Variants in GPR176 observed in about 807,000 individuals in gnomAD.
GPR176 encodes G protein-coupled receptor 176, also known as G-protein coupled receptor 176.
In GPR176, 26 loss-of-function variants were observed where a neutral mutation model predicts 35.4. That is an observed-to-expected ratio of 0.74 (90% CI 0.54 to 1.02). The LOEUF is 1.02. Among genes scored for constraint, GPR176 ranks in the 50% least tolerant of loss-of-function variants. The pLI is 0.00. For synonymous variants in GPR176, 278 were observed against 271.3 expected (o/e 1.02, Z -0.24); for missense variants, 597 against 665.3 (o/e 0.90, Z 1.13).
intron 1 of GPR176, among the ~76,000 whole-genome samples, chr15:39,880,955 A>T (rs2032451301): frequency 6.6e-6 from 1 of 152,168 alleles, no homozygotes; most frequent in Non-Finnish European, 1.5e-5. Flanking sequence ...GCTAAAACAT[A>T]AACCTGTCCT....
At chr15:39,896,249 GGGTCTCACAAAGTTTCCTAGACA>G (rs560606456) in intron 1 of GPR176, among the ~76,000 whole-genome samples, 1,726 of 152,136 alleles carry the variant, frequency 0.011, 43 homozygotes, top group African/African-American at 0.039. Flanking sequence ...TGTACAGACA[GGGTCTCACAAAGTTTCCTAGACA>G]GGTCTCACAA....
chr15:39,815,622 A>C (rs1455177401), intron 1 of GPR176, among the ~76,000 whole-genome samples: 1 of 152,224 alleles, frequency 6.6e-6, no homozygotes, highest in African/African-American at 2.4e-5. Context: ...TCTCAGATTA[A>C]GGATATCCCT....
At chr15:39,883,483 C>CCACCATA in intron 1 of GPR176, among the ~76,000 whole-genome samples, 1 of 152,246 alleles carries the variant, frequency 6.6e-6, no homozygotes, top group Middle Eastern at 3.4e-3. Flanking sequence ...GAAACCATTA[C>CCACCATA]CACCATGAAG....
rs527813337 is a variant in GPR176 at position 39,917,242 on chromosome 15, C to A, written c.172+2613G>T. Among the ~76,000 whole-genome samples the A allele has an allele frequency of 1.1e-3, 169 of 151,566 alleles. 1 individual carries two copies. Among genetic ancestry groups the A allele is most frequent in the African/African-American group, 3.8e-3 (159 of 41,316 alleles). ...AGGTTGCAGTGAGCTGAGCTGAGAT[C>A]CTGCCATTGCACTCCAGCCTGGGCA... On this transcript the variant is annotated intron_variant, in intron 1 of 2. Coordinates refer to ENST00000561100, the MANE Select transcript of GPR176 (RefSeq NM_007223.3).
At chr15:39,881,968 G>A (rs2032492996) in intron 1 of GPR176, among the ~76,000 whole-genome samples, 3 of 152,348 alleles carry the variant, frequency 2.0e-5, no homozygotes, top group South Asian at 4.1e-4. Context: ...AGAGCAGCTA[G>A]AAGCGTCAAA....
rs624191 is a variant in GPR176, at chr15:39,800,634, A to G, written c.*498T>C. The G allele has an allele frequency of 0.67, 105,914 of 157,650 alleles. 35,906 individuals are homozygous for G. The highest frequency in any genetic ancestry group is 0.75 in the African/African-American group (31,213 of 41,480). 9.8% of individuals were successfully genotyped at this position (157,650 alleles called of 1,614,324 possible). On this transcript the variant is annotated 3_prime_UTR_variant, in exon 3 of 3. Coordinates refer to ENST00000561100, the MANE Select transcript of GPR176 (RefSeq NM_007223.3). The stretch of plus-strand genomic sequence containing the variant: ...GGCTTCCAGAGAAACAGTGTAAGAC[A>G]CCAAATCCCTACCTTCTCAACAGAA...
intron 1 of GPR176, among the ~76,000 whole-genome samples, chr15:39,856,654 A>G (rs2031241081): frequency 1.3e-5 from 2 of 152,260 alleles, no homozygotes; most frequent in Admixed American, 1.3e-4. Flanking sequence ...CTGATCCAAG[A>G]AAAGGCAAGA....
At chr15:39,816,100 A>C (rs1899883937) in intron 1 of GPR176, among the ~76,000 whole-genome samples, 1 of 152,224 alleles carries the variant, frequency 6.6e-6, no homozygotes, top group Non-Finnish European at 1.5e-5. Context: ...AAACATCCAG[A>C]ATCATAGAAG....
intron 1 of GPR176, among the ~76,000 whole-genome samples, chr15:39,811,641 G>T (rs905355529): frequency 1.3e-5 from 2 of 152,176 alleles, no homozygotes; most frequent in Non-Finnish European, 2.9e-5. Context: ...CAGATTCGGG[G>T]TGTGGTGGCT....
chr15:39,903,839 C>T (rs1478550082), intron 1 of GPR176, among the ~76,000 whole-genome samples: 3 of 151,972 alleles, frequency 2.0e-5, no homozygotes, highest in Non-Finnish European at 2.9e-5. Flanking sequence ...TCTTGGGTCT[C>T]GTGCAAGGAA....
chr15:39,888,778 C>G (rs188685542), intron 1 of GPR176, among the ~76,000 whole-genome samples: 9 of 152,306 alleles, frequency 5.9e-5, no homozygotes, highest in Admixed American at 5.9e-4. Context: ...CTTCCCGATT[C>G]TTAGACACAA....
chr15:39,856,062 C>T (rs1355683926), intron 1 of GPR176, among the ~76,000 whole-genome samples: 1 of 152,172 alleles, frequency 6.6e-6, no homozygotes, highest in African/African-American at 2.4e-5. Flanking sequence ...AAGATTCAAA[C>T]CCAGGCAATT....
intron 1 of GPR176, among the ~76,000 whole-genome samples, chr15:39,912,268 G>A (rs111735017): frequency 1.7e-4 from 26 of 152,044 alleles, no homozygotes; most frequent in African/African-American, 5.3e-4. Context: ...CTGTTTTTGC[G>A]CTATATGACT....
At chr15:39,864,255 T>C in intron 1 of GPR176, among the ~76,000 whole-genome samples, 1 of 152,170 alleles carries the variant, frequency 6.6e-6, no homozygotes, top group South Asian at 2.1e-4. Context: ...TATTCTTTTT[T>C]TAAGGTTGAA....
intron 1 of GPR176, among the ~76,000 whole-genome samples, chr15:39,821,657 G>A (rs983844123): frequency 2.0e-5 from 3 of 152,222 alleles, no homozygotes; most frequent in African/African-American, 4.8e-5. Context: ...ATAGGGGTAA[G>A]AAGGTAATCT....
chr15:39,856,310 ACTGT>A (rs2031214057), intron 1 of GPR176, among the ~76,000 whole-genome samples: 1 of 152,222 alleles, frequency 6.6e-6, no homozygotes, highest in Non-Finnish European at 1.5e-5. Context: ...TTATTTGCTT[ACTGT>A]CTATCCCTCA....
rs2033840355 is a variant in GPR176 at position 39,920,173 on chromosome 15, A to G, written c.-147T>C. 2.1e-6 allele frequency: 1 copy of G among 481,474 alleles called. No individual in the cohort carries two copies. The highest frequency in any genetic ancestry group is 3.6e-5 in the East Asian group (1 of 28,148). The allele number at this position is 481,474 out of a possible 1,614,324, so 29.8% of individuals were successfully genotyped here. The stretch of plus-strand genomic sequence containing the variant: ...CCGACGGGTCCCCTCACGTCTCCAC[A>G]TCGCCAACCCCGGCGCCCGGGAGGC... On this transcript the variant is annotated 5_prime_UTR_variant, in exon 1 of 3. An upstream start codon of the reference 5' UTR is lost. Transcript: ENST00000561100.
intron 1 of GPR176, among the ~76,000 whole-genome samples, chr15:39,894,076 A>T (rs531827907): frequency 1.2e-3 from 14 of 11,978 alleles, no homozygotes; most frequent in South Asian, 6.3e-3. Context: ...GCGGCTGGCC[A>T]GGCGGGGGGC....
intron 1 of GPR176, among the ~76,000 whole-genome samples, chr15:39,870,449 T>A (rs991877150): frequency 2.0e-5 from 3 of 152,152 alleles, no homozygotes; most frequent in Non-Finnish European, 2.9e-5. Flanking sequence ...TAACCGCAAA[T>A]CTCTTCCTAT....
Sources: allele counts gnomAD v4.1 joint callset (sites outside exome capture counted in the v4.1 genomes callset), GRCh38; gene constraint gnomAD v4.1.1; transcripts MANE v1.5; gene names NCBI Gene and HGNC (gene_info 2026-07-23, HGNC 2026-07-21).